Variants in FARP2 observed in about 807,000 individuals in gnomAD.
FARP2 encodes the protein FERM, ARHGEF and pleckstrin domain-containing protein 2.
Under a neutral mutation model 130.5 loss-of-function variants are expected in FARP2, and 111 were observed. The observed-to-expected ratio is 0.85, with a 90% CI of 0.73 to 1.00. The LOEUF (loss-of-function observed/expected upper bound fraction) is 1.00. Among genes scored for constraint, FARP2 ranks in the 50% least tolerant of loss-of-function variants. FARP2 has a pLI of 0.00. For synonymous variants in FARP2, 504 were observed against 516.9 expected (o/e 0.98, Z 0.34); for missense variants, 1,385 against 1,346.3 (o/e 1.03, Z -0.45).
Position 241,436,470 on chromosome 2 carries a change from C to CT in FARP2, c.1101-10dup. ...GGCTTGGTTTCTCACAGCTCGTCCT[C>CT]TGTTTTGCAGAAGGCACAGCAAGAC... On this transcript the variant is annotated splice_polypyrimidine_tract_variant and intron_variant, in intron 11 of 26. Transcript: ENST00000264042. The CT allele has an allele frequency of 6.2e-7, 1 of 1,614,140 alleles. No homozygotes were observed. The highest frequency in any genetic ancestry group is 1.1e-5 in the South Asian group (1 of 91,084).
chr2:241,465,586 A>T, intron 17 of FARP2: 1 of 1,550,688 alleles, frequency 6.4e-7, no homozygotes, highest in Non-Finnish European at 8.7e-7. Flanking sequence ...AGGTGTTCAC[A>T]TGTGGACAAC....
chr2:241,434,058 A>G, intron 9 of FARP2, 100 bp from the exon 10 acceptor site: 1 of 935,464 alleles, frequency 1.1e-6, no homozygotes, highest in Non-Finnish European at 1.6e-6. Flanking sequence ...ACTGATTTTT[A>G]ATTTTGGAAT....
At chr2:241,493,064 C>A in intron 25 of FARP2, 28 bp downstream of exon 25, 2 of 1,313,170 alleles carry the variant, frequency 1.5e-6, no homozygotes, top group Non-Finnish European at 2.2e-6. Context: ...GAGCCCAATG[C>A]AGGTGATGCT....
intron 7 of FARP2, among the ~76,000 whole-genome samples, chr2:241,414,105 G>A (rs2062602168): frequency 6.6e-6 from 1 of 152,148 alleles, no homozygotes; most frequent in Admixed American, 6.5e-5. Context: ...GGTAGAGGAG[G>A]AGGGGACTGT....
chr2:241,430,490 C>T (rs2063063311), intron 8 of FARP2, among the ~76,000 whole-genome samples: 1 of 152,026 alleles, frequency 6.6e-6, no homozygotes, highest in Non-Finnish European at 1.5e-5. Context: ...CTATATTTAC[C>T]TCTATATCTG....
At chr2:241,423,057 G>A (rs2062850125) in intron 8 of FARP2, among the ~76,000 whole-genome samples, 1 of 152,162 alleles carries the variant, frequency 6.6e-6, no homozygotes, top group East Asian at 1.9e-4. Context: ...TCATCCAGGA[G>A]AATTTCCCCA....
At chr2:241,493,517 T>C (rs2065008054) in intron 26 of FARP2, 73 bp downstream of exon 26, 1 of 1,469,120 alleles carries the variant, frequency 6.8e-7, no homozygotes, top group Admixed American at 1.7e-5. Flanking sequence ...CTACTCATGG[T>C]GGTGGAGGCA....
At chr2:241,368,148 A>G (rs1339800100) in intron 1 of FARP2, among the ~76,000 whole-genome samples, 2 of 152,118 alleles carry the variant, frequency 1.3e-5, no homozygotes, top group Non-Finnish European at 2.9e-5. Flanking sequence ...AAATGAGACT[A>G]TACCCACAAG....
chr2:241,485,749 C>T (rs1462210320), intron 21 of FARP2, among the ~76,000 whole-genome samples: 1 of 150,220 alleles, frequency 6.7e-6, no homozygotes, highest in East Asian at 2.0e-4. Context: ...TCCTTTGCTC[C>T]CTGTGGTCCT....
chr2:241,463,212 C>T, intron 15 of FARP2, 123 bp from the exon 16 acceptor site: 1 of 1,011,246 alleles, frequency 9.9e-7, no homozygotes, highest in Non-Finnish European at 1.4e-6. Flanking sequence ...GATCTGAACC[C>T]TCTTTGTAGG....
intron 9 of FARP2, among the ~76,000 whole-genome samples, chr2:241,432,983 C>T (rs1316686500): frequency 6.6e-6 from 1 of 152,130 alleles, no homozygotes; most frequent in South Asian, 2.1e-4. Context: ...GGTTCACGTG[C>T]TTTGTGTAAG....
At chr2:241,465,572 G>A in intron 17 of FARP2, 1 of 1,550,598 alleles carries the variant, frequency 6.4e-7, no homozygotes, top group South Asian at 1.2e-5. Context: ...AGGAGCAACG[G>A]TACAGGTGTT....
At chr2:241,488,480 G>A (rs1388258463) in intron 21 of FARP2, 5 of 144,564 alleles carry the variant, frequency 3.5e-5, no homozygotes, top group African/African-American at 7.7e-5. Context: ...GCCCAGGCAC[G>A]ATCTCGGCTC....
In FARP2 at chr2:241,403,930, TG is replaced by T. The variant is rs1293227320; in HGVS notation, c.288+1del. 1 of 1,593,620 alleles carries T rather than the reference TG, an allele frequency of 6.3e-7. No individual in the cohort carries two copies. The highest frequency in any genetic ancestry group is 1.1e-5 in the South Asian group (1 of 90,676). Reference protein sequence around the residue: ...GMEFQNTQSYWIWLEPMKPII... With the variant: ...GMEFQNTQSYXIWLEPMKPII... ...GGAGTTTCAAAATACTCAGTCCTACTGGGTAAGTGCTTATGACGTGCCCAGG... is the reference window on the plus strand; with the variant it reads ...GGAGTTTCAAAATACTCAGTCCTACTGGTAAGTGCTTATGACGTGCCCAGG... On this transcript the variant is annotated frameshift_variant and splice_region_variant, in exon 3 of 27. Transcript: ENST00000264042. LOFTEE classifies it high-confidence loss of function.
At chr2:241,476,301 C>T (rs940996217) in intron 19 of FARP2, among the ~76,000 whole-genome samples, 4 of 151,630 alleles carry the variant, frequency 2.6e-5, no homozygotes, top group South Asian at 2.1e-4. Context: ...ATGGGAGGAT[C>T]GCTTGAGCCA....
chr2:241,433,231 T>C (rs1013396356), intron 9 of FARP2, among the ~76,000 whole-genome samples: 4 of 152,240 alleles, frequency 2.6e-5, no homozygotes, highest in Non-Finnish European at 5.9e-5. Flanking sequence ...CCAGAACTGT[T>C]TGCATCTGCA....
intron 19 of FARP2, among the ~76,000 whole-genome samples, chr2:241,480,908 C>T (rs181537278): frequency 7.2e-5 from 11 of 152,174 alleles, no homozygotes; most frequent in Non-Finnish European, 1.3e-4. Flanking sequence ...GAACTGTCTG[C>T]CATGTAACCC....
At chr2:241,383,068 A>G (rs534380334) in intron 2 of FARP2, among the ~76,000 whole-genome samples, 4 of 152,362 alleles carry the variant, frequency 2.6e-5, no homozygotes, top group Non-Finnish European at 5.9e-5. Context: ...ACGGAAAGCC[A>G]CACAGATGGG....
intron 9 of FARP2, among the ~76,000 whole-genome samples, chr2:241,432,929 G>A (rs1408255819): frequency 4.6e-5 from 7 of 152,268 alleles, no homozygotes; most frequent in South Asian, 2.1e-4. Flanking sequence ...CTTTGCCTAC[G>A]CCTTTAAAAG....
Sources: gnomAD v4.1 joint callset for allele counts (sites outside exome capture counted in the v4.1 genomes callset) on GRCh38, gnomAD v4.1.1 for gene constraint, MANE v1.5 for transcripts, NCBI Gene and HGNC (gene_info 2026-07-23, HGNC 2026-07-21) for gene names.